Variants in POLE2 observed in about 807,000 individuals in gnomAD.
POLE2 encodes the protein DNA polymerase epsilon subunit 2.
POLE2 carries 56 observed loss-of-function variants against 79.4 expected under a neutral mutation model. The ratio of observed to expected loss-of-function variants is 0.71; its 90% CI spans 0.57 to 0.88. The LOEUF is 0.88. Ranked by LOEUF, POLE2 falls within the 40% of genes least tolerant of loss-of-function variation. POLE2 has a pLI of 0.00. For synonymous variants in POLE2, 212 were observed against 214.0 expected (o/e 0.99, Z 0.08); for missense variants, 598 against 638.9 (o/e 0.94, Z 0.69).
chr14:49,658,518 A>C, intron 10 of POLE2, among the ~76,000 whole-genome samples: 1 of 152,210 alleles, frequency 6.6e-6, no homozygotes, highest in East Asian at 1.9e-4. Context: ...TTTAGTATTG[A>C]CTTTAGGAGG....
intron 5 of POLE2, among the ~76,000 whole-genome samples, chr14:49,671,932 C>T (rs1021740882): frequency 2.6e-5 from 4 of 151,908 alleles, no homozygotes; most frequent in African/African-American, 4.8e-5. Flanking sequence ...CTAGCCTAGG[C>T]GACAGAGCAA....
chr14:49,644,088 C>T (rs1246115264), intron 18 of POLE2, among the ~76,000 whole-genome samples: 1 of 150,546 alleles, frequency 6.6e-6, no homozygotes, highest in Admixed American at 6.6e-5. Flanking sequence ...CCATGTTGGA[C>T]AGACTGGTCT....
At chr14:49,655,154 C>G in intron 11 of POLE2, 60 bp from the exon 12 acceptor site, 1 of 660,856 alleles carries the variant, frequency 1.5e-6, no homozygotes, top group East Asian at 3.4e-5. Flanking sequence ...AGTTAAAAAC[C>G]CTTTAACCAT....
intron 9 of POLE2, among the ~76,000 whole-genome samples, chr14:49,664,339 ACT>A (rs1190739975): frequency 2.7e-5 from 4 of 147,148 alleles, no homozygotes; most frequent in Non-Finnish European, 5.9e-5. Flanking sequence ...ACAGAGTGAG[ACT>A]CTGTCTCCAA....
intron 3 of POLE2, among the ~76,000 whole-genome samples, chr14:49,676,081 A>G (rs1298379894): frequency 6.6e-6 from 1 of 152,192 alleles, no homozygotes; most frequent in Non-Finnish European, 1.5e-5. Flanking sequence ...GAAGTGTCCC[A>G]GGAAAAGTTA....
Position 49,654,823 on chromosome 14 carries a change from A to T in POLE2, c.1034T>A (p.Leu345Ter), listed in dbSNP as rs368223418. 1 of 1,489,412 alleles carries T rather than the reference A, an allele frequency of 6.7e-7. No individual in the cohort carries two copies. Among genetic ancestry groups the T allele is most frequent in the Non-Finnish European group, 8.9e-7 (1 of 1,123,504 alleles). The allele number at this position is 1,489,412 out of a possible 1,614,324, so 92.3% of individuals were successfully genotyped here. ...VQALKDSLKTLADIICEYPDI... is the reference protein window; with the variant it reads ...VQALKDSLKT ...TGGGTATTCACATATTATATCTGCC[A>T]AAGTTTTTAGGGAATCTAAAATTTT... is the stretch of plus-strand genomic sequence containing the variant. The change falls in exon 13 of 19, where the codon TTG (leucine) becomes TAG (stop). Residue 345 changes from leucine to a stop codon, truncating the protein, a stop_gained. Coordinates refer to ENST00000216367, the MANE Select transcript of POLE2 (RefSeq NM_002692.4). LOFTEE classifies it high-confidence loss of function.
chr14:49,665,758 C>A (rs771675883), intron 7 of POLE2, among the ~76,000 whole-genome samples: 1 of 148,538 alleles, frequency 6.7e-6, no homozygotes. Context: ...CTAATTTTTA[C>A]GTCATTGTAA....
chr14:49,675,433 A>T lies in POLE2; in HGVS notation c.246-1006T>A, dbSNP rs541096035. Among the ~76,000 whole-genome samples the T allele has an allele frequency of 2.7e-5, 4 of 150,804 alleles. No individual in the cohort carries two copies. In the South Asian group the frequency reaches 6.3e-4, roughly 24 times the overall value. On this transcript the variant is annotated intron_variant, in intron 3 of 18. Coordinates refer to ENST00000216367, the MANE Select transcript of POLE2 (RefSeq NM_002692.4). The stretch of plus-strand genomic sequence containing the variant: ...TATGATTAAGTTCCAACAATTTTTT[A>T]TTTTTTTTGTTTTTGTTTTGTTTTT...
chr14:49,655,560 C>A, intron 11 of POLE2, 111 bp downstream of exon 11: 1 of 753,516 alleles, frequency 1.3e-6, no homozygotes, highest in Non-Finnish European at 2.2e-6. Context: ...TCATTGCTAA[C>A]TCTGTTTTTT....
chr14:49,657,350 AATAG>A (rs916437488), intron 10 of POLE2, among the ~76,000 whole-genome samples: 4 of 152,170 alleles, frequency 2.6e-5, no homozygotes, highest in African/African-American at 7.2e-5. Flanking sequence ...AAAAAAAGGG[AATAG>A]ATATAGACCT....
chr14:49,677,587 T>C, intron 3 of POLE2: 1 of 508,418 alleles, frequency 2.0e-6, no homozygotes, highest in Non-Finnish European at 3.5e-6. Context: ...CCTAGAGCTC[T>C]TCCCTGAGCA....
chr14:49,687,319 C>T (rs1432894201), intron 1 of POLE2, among the ~76,000 whole-genome samples: 1 of 150,710 alleles, frequency 6.6e-6, no homozygotes, highest in South Asian at 2.1e-4. Flanking sequence ...CACACACACA[C>T]ACACACACAC....
At chr14:49,682,765 T>C (rs1303673075) in intron 2 of POLE2, among the ~76,000 whole-genome samples, 1 of 151,944 alleles carries the variant, frequency 6.6e-6, no homozygotes, top group East Asian at 1.9e-4. Context: ...ATTGAAAAGT[T>C]ACTGTCTCTG....
intron 2 of POLE2, among the ~76,000 whole-genome samples, chr14:49,682,110 T>C (rs1886756399): frequency 6.6e-6 from 1 of 150,714 alleles, no homozygotes; most frequent in African/African-American, 2.4e-5. Context: ...GTTCAAGCGA[T>C]TCTCCTGCCT....
intron 5 of POLE2, among the ~76,000 whole-genome samples, chr14:49,671,315 T>C (rs530512598): frequency 1.3e-5 from 2 of 152,008 alleles, no homozygotes; most frequent in Admixed American, 1.3e-4. Context: ...GTCCAGTCAG[T>C]GACATAAAAG....
At chr14:49,674,522 AC>A (rs1468142069) in intron 3 of POLE2, 95 bp from the exon 4 acceptor site, 1 of 741,950 alleles carries the variant, frequency 1.3e-6, no homozygotes, top group Non-Finnish European at 2.3e-6. Context: ...TTGTAATAAC[AC>A]ACTTTTCACA....
At chr14:49,687,826 A>G (rs1887266521) in intron 1 of POLE2, among the ~76,000 whole-genome samples, 1 of 151,870 alleles carries the variant, frequency 6.6e-6, no homozygotes, top group Non-Finnish European at 1.5e-5. Flanking sequence ...CAGCCTCCCA[A>G]CTAACTGGGA....
Position 49,649,431 on chromosome 14 carries a change from C to A in POLE2, c.1497+834G>T, listed in dbSNP as rs573983057. Among the ~76,000 whole-genome samples the A allele has an allele frequency of 4.0e-5, 6 of 150,102 alleles. No individual in the cohort carries two copies. In the South Asian group the frequency reaches 1.1e-3, roughly 26 times the overall value. On this transcript the variant is annotated intron_variant, in intron 17 of 18. Transcript: ENST00000216367. The stretch of plus-strand genomic sequence containing the variant: ...AAAGTGCTGGGATTACAGGCGTGAG[C>A]CACCACACCCGGCCTATATTTCTTT...
intron 17 of POLE2, among the ~76,000 whole-genome samples, chr14:49,649,384 G>C (rs1356372334): frequency 6.6e-6 from 1 of 150,542 alleles, no homozygotes; most frequent in South Asian, 2.1e-4. Flanking sequence ...CTGACCTCGT[G>C]ATCTGCCCGC....
Sources: allele counts gnomAD v4.1 joint callset (sites outside exome capture counted in the v4.1 genomes callset), GRCh38; gene constraint gnomAD v4.1.1; transcripts MANE v1.5; gene names NCBI Gene and HGNC (gene_info 2026-07-23, HGNC 2026-07-21).